The following NCOA2 variants were observed in gnomAD, a reference collection of about 807,000 sequenced individuals.
NCOA2 encodes class E basic helix-loop-helix protein 75.
In NCOA2, 21 loss-of-function variants were observed where a neutral mutation model predicts 145.1. The observed-to-expected ratio is 0.14, with a 90% confidence interval of 0.10 to 0.21. NCOA2 has a LOEUF of 0.21. NCOA2 is among the 10% of genes least tolerant of loss of function. The pLI is 1.00. For missense variants in NCOA2, 1,472 were observed against 1,837.6 expected (o/e 0.80, Z 3.64); for synonymous variants, 619 against 637.5 (o/e 0.97, Z 0.44).
chr8:70,139,534 T>A (rs1388977109), intron 14 of NCOA2, among the ~76,000 whole-genome samples: 1 of 151,710 alleles, frequency 6.6e-6, no homozygotes, highest in Non-Finnish European at 1.5e-5. Flanking sequence ...ATAAATGCCA[T>A]CTCTGAGAAA....
intron 1 of NCOA2, among the ~76,000 whole-genome samples, chr8:70,389,688 G>T (rs1355161984): frequency 6.6e-6 from 1 of 151,564 alleles, no homozygotes; most frequent in Non-Finnish European, 1.5e-5. Context: ...TTTTTTAGAC[G>T]GCGGAGTTTT....
chr8:70,137,818 G>A lies in NCOA2; in HGVS notation c.3158+385C>T, dbSNP rs749550668. Among the ~76,000 whole-genome samples the A allele has an allele frequency of 3.6e-4, 55 of 152,174 alleles. 1 individual carries two copies. The highest frequency in any genetic ancestry group is 2.0e-4 in the Admixed American group (3 of 15,284). On this transcript the variant is annotated intron_variant, in intron 15 of 22. Transcript: ENST00000452400. Reference sequence around the variant, plus strand: ...ACAGCAATCCTTACTCTGGCCCTGTGATATGCAGCTTTTACCAGCTGGACT... The same window carrying A: ...ACAGCAATCCTTACTCTGGCCCTGTAATATGCAGCTTTTACCAGCTGGACT...
chr8:70,259,627 G>T (rs1188978479), intron 2 of NCOA2, among the ~76,000 whole-genome samples: 1 of 152,034 alleles, frequency 6.6e-6, no homozygotes, highest in Non-Finnish European at 1.5e-5. Context: ...TATATATAGA[G>T]CAATTATGTA....
chr8:70,172,294 G>GTA (rs1238149919), intron 5 of NCOA2, among the ~76,000 whole-genome samples: 1 of 152,192 alleles, frequency 6.6e-6, no homozygotes, highest in East Asian at 1.9e-4. Flanking sequence ...AATGTCACAT[G>GTA]TATACACATA....
intron 1 of NCOA2, among the ~76,000 whole-genome samples, chr8:70,332,424 T>C (rs1164543476): frequency 6.6e-6 from 1 of 152,200 alleles, no homozygotes; most frequent in Non-Finnish European, 1.5e-5. Flanking sequence ...TTTCTGACTC[T>C]ACGCTGCTCT....
the NCOA2 span, among the ~76,000 whole-genome samples, chr8:70,451,214 T>C: frequency 4.4e-5 from 2 of 45,968 alleles, no homozygotes; most frequent in Non-Finnish European, 7.3e-5. Flanking sequence ...CAAGACTCCG[T>C]CTCAAAAAAA....
In NCOA2 at chr8:70,233,224, TA is replaced by T. The variant is rs990932604; in HGVS notation, c.-19-16461del. Among the ~76,000 whole-genome samples the T allele has an allele frequency of 1.1e-3, 164 of 146,642 alleles. 1 individual carries two copies. Among genetic ancestry groups the T allele is most frequent in the African/African-American group, 3.2e-3 (128 of 40,216 alleles). On this transcript the variant is annotated intron_variant, in intron 2 of 22. Transcript: ENST00000452400. Reference sequence around the variant, plus strand: ...CTGGGTGACAGAGTGAGACTCCGTTTAAAAAAAAAAAGATAATACGTGTCAT... The same window carrying T: ...CTGGGTGACAGAGTGAGACTCCGTTTAAAAAAAAAAGATAATACGTGTCAT...
intron 1 of NCOA2, among the ~76,000 whole-genome samples, chr8:70,328,206 C>T (rs781017937): frequency 6.6e-6 from 1 of 152,190 alleles, no homozygotes; most frequent in Non-Finnish European, 1.5e-5. Flanking sequence ...AATTCAAGAA[C>T]TTTTCAGCAG....
Position 70,113,611 on chromosome 8 carries a change from A to C in NCOA2, c.*21T>G. ...AGCAAGTGAGCCCGGTCAGCTGAAG[A>C]AGCAACTGGCTTCAGCAGTGTCAGC... is the stretch of plus-strand genomic sequence containing the variant. On this transcript the variant is annotated 3_prime_UTR_variant, in exon 23 of 23. Transcript: ENST00000452400. 2 of 1,551,852 alleles carry C rather than the reference A, an allele frequency of 1.3e-6. No individual in the cohort carries two copies. Among genetic ancestry groups the C allele is most frequent in the Non-Finnish European group, 1.7e-6 (2 of 1,146,942 alleles).
At chr8:70,374,130 A>ATC (rs1429422896) in intron 1 of NCOA2, among the ~76,000 whole-genome samples, 1 of 152,218 alleles carries the variant, frequency 6.6e-6, no homozygotes, top group African/African-American at 2.4e-5. Context: ...TGAATTTAAA[A>ATC]ATATATAAAT....
intron 1 of NCOA2, among the ~76,000 whole-genome samples, chr8:70,383,758 G>T (rs891710363): frequency 4.6e-5 from 7 of 152,096 alleles, no homozygotes; most frequent in Non-Finnish European, 7.4e-5. Flanking sequence ...GCCCACCTCG[G>T]CCTCCCAAAG....
chr8:70,314,649 A>C (rs1805436783), intron 1 of NCOA2, among the ~76,000 whole-genome samples: 1 of 152,238 alleles, frequency 6.6e-6, no homozygotes, highest in African/African-American at 2.4e-5. Context: ...CCTAAATGTA[A>C]AATATAATTT....
the NCOA2 span, among the ~76,000 whole-genome samples, chr8:70,430,905 T>C: frequency 6.6e-6 from 1 of 152,218 alleles, no homozygotes; most frequent in Non-Finnish European, 1.5e-5. Context: ...GGTTTTTTTC[T>C]ACCTTATCTA....
In NCOA2 at chr8:70,164,049, G is replaced by A. The variant is rs553620829; in HGVS notation, c.731-483C>T. ...CTAGGTACACCTTATGCCAAACTAA[G>A]TAAATACTACAATGGCAACATGCAA... On this transcript the variant is annotated intron_variant, in intron 7 of 22. Transcript: ENST00000452400. Among the ~76,000 whole-genome samples, 62 of 152,250 alleles carry A rather than the reference G, an allele frequency of 4.1e-4. 1 individual carries two copies. Among genetic ancestry groups the A allele is most frequent in the African/African-American group, 1.4e-3 (59 of 41,554 alleles).
intron 2 of NCOA2, among the ~76,000 whole-genome samples, chr8:70,257,474 T>C (rs2134934163): frequency 6.6e-6 from 1 of 151,990 alleles, no homozygotes; most frequent in African/African-American, 2.4e-5. Context: ...ACAAGATAAA[T>C]AAGGAAAAGA....
chr8:70,307,653 T>C (rs1827998679), intron 1 of NCOA2, among the ~76,000 whole-genome samples: 1 of 152,216 alleles, frequency 6.6e-6, no homozygotes, highest in South Asian at 2.1e-4. Context: ...TGAAGTCAAA[T>C]CTTGAGAGGG....
At chr8:70,400,845 TTC>T (rs2131809387) in intron 1 of NCOA2, among the ~76,000 whole-genome samples, 1 of 152,328 alleles carries the variant, frequency 6.6e-6, no homozygotes, top group South Asian at 2.1e-4. Context: ...CTTCGATTCT[TTC>T]TTAGCAACCC....
chr8:70,397,539 T>C (rs944084326), intron 1 of NCOA2, among the ~76,000 whole-genome samples: 1 of 151,356 alleles, frequency 6.6e-6, no homozygotes, highest in Non-Finnish European at 1.5e-5. Flanking sequence ...TGCACAAGGC[T>C]GCACTCAGGA....
At chr8:70,174,657 G>T in intron 5 of NCOA2, 99 bp downstream of exon 5, 1 of 1,119,708 alleles carries the variant, frequency 8.9e-7, no homozygotes, top group Non-Finnish European at 1.3e-6. Flanking sequence ...ACTAGTACTA[G>T]TGTGGATTCT....
Sources: gnomAD v4.1 joint callset for allele counts (sites outside exome capture counted in the v4.1 genomes callset) on GRCh38, gnomAD v4.1.1 for gene constraint, MANE v1.5 for transcripts, NCBI Gene and HGNC (gene_info 2026-07-23, HGNC 2026-07-21) for gene names.